HIPK2: variants seen among roughly 807,000 people sequenced by gnomAD.
HIPK2 encodes the protein homeodomain-interacting protein kinase 2.
A neutral mutation model predicts 113.7 loss-of-function variants in HIPK2; 27 were observed. That is an observed-to-expected ratio of 0.24 (90% CI 0.17 to 0.33). The LOEUF (loss-of-function observed/expected upper bound fraction) is 0.33, where lower values mean the gene tolerates loss of function less well. Among genes scored for constraint, HIPK2 ranks in the 10% least tolerant of loss-of-function variants. The pLI is 1.00. For missense variants in HIPK2, 1,257 were observed against 1,588.0 expected (o/e 0.79, Z 3.54); for synonymous variants, 631 against 642.2 (o/e 0.98, Z 0.26).
chr7:139,712,255 C>A (rs1363822561), intron 2 of HIPK2, among the ~76,000 whole-genome samples: 1 of 152,256 alleles, frequency 6.6e-6, no homozygotes, highest in East Asian at 1.9e-4. Flanking sequence ...TGGCCAGGCA[C>A]ATGCCTGAGA....
intron 2 of HIPK2, among the ~76,000 whole-genome samples, chr7:139,699,147 A>G (rs930117595): frequency 2.6e-5 from 4 of 152,134 alleles, no homozygotes; most frequent in African/African-American, 7.2e-5. Context: ...ACCGTGAGAC[A>G]GAGATACTGG....
rs1308798772 is a variant in HIPK2, at chr7:139,777,690, C to A, written c.-67G>T. On this transcript the variant is annotated 5_prime_UTR_variant, in exon 1 of 15. Coordinates refer to ENST00000406875, the MANE Select transcript of HIPK2 (RefSeq NM_022740.5). ...AAGCGGCGCGCGAGCTCGGCCCCCCCAGCCTCAGTCGGAATCTGCCATCTT... is the reference window on the plus strand; with the variant it reads ...AAGCGGCGCGCGAGCTCGGCCCCCCAAGCCTCAGTCGGAATCTGCCATCTT... The A allele has an allele frequency of 4.1e-5, 44 of 1,080,396 alleles. No individual in the cohort carries two copies. Among genetic ancestry groups the A allele is most frequent in the Non-Finnish European group, 4.9e-5 (44 of 889,972 alleles). 66.9% of individuals were successfully genotyped at this position (1,080,396 alleles called of 1,614,324 possible).
At position 139,630,343 on chromosome 7, in the gene HIPK2, C is replaced by T. The variant is rs1484552386; in HGVS notation, c.1347+822G>A. On this transcript the variant is annotated intron_variant, in intron 4 of 14. Coordinates refer to ENST00000406875, the MANE Select transcript of HIPK2 (RefSeq NM_022740.5). This position sits in a 1 kb window ranked among gnomAD's most constrained non-coding sequence, Gnocchi z 4.0. ...CTTTGCCTGGAACCCCTCTCCCTAACCCCCATCACCCCAGCCGCCACCCCA... is the reference window on the plus strand; with the variant it reads ...CTTTGCCTGGAACCCCTCTCCCTAATCCCCATCACCCCAGCCGCCACCCCA... Among the ~76,000 whole-genome samples the T allele has an allele frequency of 6.6e-6, 1 of 152,126 alleles. No individual in the cohort carries two copies. The highest frequency in any genetic ancestry group is 1.5e-5 in the Non-Finnish European group (1 of 68,006).
chr7:139,771,692 G>C (rs1423351928), intron 1 of HIPK2, among the ~76,000 whole-genome samples: 4 of 151,958 alleles, frequency 2.6e-5, no homozygotes, highest in African/African-American at 9.7e-5. Context: ...CGGTACTAAT[G>C]AGAACATTAT....
Position 139,596,737 on chromosome 7 carries a change from T to A in HIPK2, c.2697A>T (p.Glu899Asp). Residue 899 changes from glutamate (E) to aspartate (D), a missense_variant, in exon 12 of 15, where the codon GAA becomes GAT. By Grantham distance (45) the Glu-to-Asp change is conservative. Around this residue, in one of 5 missense-constraint regions of HIPK2, gnomAD observed 862 missense variants for 1,004.3 expected, o/e 0.86. Transcript: ENST00000406875. ...CTCACCTGGTGGGGGCGTGTTTCTG[T>A]TCCTCCTCCTCGTCCGTGTCACTGC... ...TISSDTDEEEEQKHAPTSTVS... is the reference protein window; with the variant it reads ...TISSDTDEEEDQKHAPTSTVS... 1.2e-6 allele frequency: 2 copies of A among 1,611,938 alleles called. No homozygotes were observed. Among genetic ancestry groups the A allele is most frequent in the Non-Finnish European group, 1.7e-6 (2 of 1,178,074 alleles).
At chr7:139,757,490 T>C (rs1037423797) in intron 1 of HIPK2, among the ~76,000 whole-genome samples, 2 of 152,046 alleles carry the variant, frequency 1.3e-5, no homozygotes, top group African/African-American at 2.4e-5. Context: ...TAAATACATA[T>C]AGAAATCAGC....
rs1291642035 is a variant in HIPK2, at chr7:139,565,525, T to A, written c.*7402A>T. The A allele has an allele frequency of 6.6e-6, 1 of 152,182 alleles. No homozygotes were observed. Among genetic ancestry groups the A allele is most frequent in the Non-Finnish European group, 1.5e-5 (1 of 68,022 alleles). The allele number at this position is 152,182 out of a possible 1,614,324, so 9.4% of individuals were successfully genotyped here. A position where few individuals can be genotyped will look rare whatever the true frequency, so the allele number is the denominator to read the frequency against. ...CATTCTCACCATCTTTCAATCAAAA[T>A]AAAAATGCATCTGTATTTCTGTTAA... On this transcript the variant is annotated 3_prime_UTR_variant, in exon 15 of 15. Coordinates refer to ENST00000406875, the MANE Select transcript of HIPK2 (RefSeq NM_022740.5).
At chr7:139,689,459 T>C (rs1466247500) in intron 2 of HIPK2, among the ~76,000 whole-genome samples, 5 of 152,218 alleles carry the variant, frequency 3.3e-5, no homozygotes, top group African/African-American at 9.6e-5. Flanking sequence ...TAAATATTTC[T>C]TGTGAAACAG....
intron 2 of HIPK2, among the ~76,000 whole-genome samples, chr7:139,674,341 C>A (rs10954654): frequency 6.6e-6 from 1 of 151,954 alleles, no homozygotes; most frequent in Admixed American, 6.6e-5. Context: ...TTATTCCACA[C>A]ATAAAGCAAT....
chr7:139,718,408 T>C (rs1795311361), intron 1 of HIPK2, among the ~76,000 whole-genome samples: 1 of 152,188 alleles, frequency 6.6e-6, no homozygotes, highest in Non-Finnish European at 1.5e-5. Context: ...CTAGTCCACC[T>C]TCTCTCTCAG....
intron 1 of HIPK2, among the ~76,000 whole-genome samples, chr7:139,759,955 T>C (rs901276288): frequency 1.3e-5 from 2 of 152,152 alleles, no homozygotes; most frequent in Non-Finnish European, 1.5e-5. Context: ...GAGAGAATGA[T>C]TTAACAATTT....
Position 139,613,087 on chromosome 7 carries a change from A to C in HIPK2, c.2112+115T>G. ...AGAATATTACAGATACATTCCAATG[A>C]CTAGAAGCACCTAACTCATTACTAG... On this transcript the variant is annotated intron_variant, in intron 9 of 14. Transcript: ENST00000406875. This position sits in a 1 kb window ranked among gnomAD's most constrained non-coding sequence, Gnocchi z 4.2. The C allele has an allele frequency of 7.9e-7, 1 of 1,261,492 alleles. No individual in the cohort carries two copies. The highest frequency in any genetic ancestry group is 1.1e-6 in the Non-Finnish European group (1 of 912,932). 78.1% of individuals were successfully genotyped at this position (1,261,492 alleles called of 1,614,324 possible).
At chr7:139,632,699 T>C (rs1218646330) in intron 2 of HIPK2, among the ~76,000 whole-genome samples, 1 of 152,196 alleles carries the variant, frequency 6.6e-6, no homozygotes, top group Non-Finnish European at 1.5e-5. Context: ...TTTCTAAGAA[T>C]CTGTCATGAT....
intron 1 of HIPK2, among the ~76,000 whole-genome samples, chr7:139,756,043 A>T (rs1263869071): frequency 6.6e-6 from 1 of 152,186 alleles, no homozygotes; most frequent in Admixed American, 6.5e-5. Context: ...GTCCCATTTA[A>T]CCAATGAACG....
chr7:139,744,224 A>G (rs1796152599), intron 1 of HIPK2, among the ~76,000 whole-genome samples: 2 of 152,256 alleles, frequency 1.3e-5, no homozygotes, highest in Admixed American at 1.3e-4. Context: ...ACCGTGAAAC[A>G]CTATTTGGCA....
intron 10 of HIPK2, 44 bp from the exon 11 acceptor site, chr7:139,600,640 A>T: frequency 6.3e-7 from 1 of 1,588,668 alleles, no homozygotes; most frequent in Non-Finnish European, 8.6e-7. Flanking sequence ...AGGTGTTCTA[A>T]AAGTAGAGCT....
At chr7:139,719,189 A>T (rs1795335146) in intron 1 of HIPK2, among the ~76,000 whole-genome samples, 1 of 151,912 alleles carries the variant, frequency 6.6e-6, no homozygotes, top group African/African-American at 2.4e-5. Flanking sequence ...CCCAGACTGG[A>T]GTGCAGTGGT....
chr7:139,706,843 G>A (rs1358460342), intron 2 of HIPK2, among the ~76,000 whole-genome samples: 1 of 152,224 alleles, frequency 6.6e-6, no homozygotes, highest in African/African-American at 2.4e-5. Flanking sequence ...GACAAAGAGT[G>A]ACGTCCCAGC....
At chr7:139,712,336 C>T (rs1195490237) in intron 2 of HIPK2, among the ~76,000 whole-genome samples, 3 of 152,220 alleles carry the variant, frequency 2.0e-5, no homozygotes, top group Non-Finnish European at 4.4e-5. Flanking sequence ...ATAACATATC[C>T]TTGTCTCACA....
Sources: gnomAD v4.1 joint callset for allele counts (sites outside exome capture counted in the v4.1 genomes callset) on GRCh38, gnomAD v4.1.1 for gene constraint, gnomAD v4.1.1 regional missense constraint, Gnocchi (gnomAD v3.1) non-coding constraint, MANE v1.5 for transcripts, NCBI Gene and HGNC (gene_info 2026-07-23, HGNC 2026-07-21) for gene names.